ARMH3: variants seen among roughly 807,000 people sequenced by gnomAD.
The protein encoded by ARMH3 is armadillo-like helical domain-containing protein 3.
A neutral mutation model predicts 99.1 loss-of-function variants in ARMH3; 60 were observed. The ratio of observed to expected loss-of-function variants is 0.61; its 90% CI spans 0.49 to 0.75. The LOEUF is 0.75. ARMH3 is among the 30% of genes least tolerant of loss of function. The pLI, the probability that ARMH3 is intolerant of heterozygous loss-of-function variation, is 0.00. For missense variants in ARMH3, 679 were observed against 843.1 expected, an observed-to-expected ratio of 0.81 and a Z score of 2.41; for synonymous variants, 285 against 292.8, an observed-to-expected ratio of 0.97 and a Z score of 0.27.
chr10:102,000,346 T>C (rs904014393), intron 15 of ARMH3, among the ~76,000 whole-genome samples: 31 of 152,246 alleles, frequency 2.0e-4, no homozygotes, highest in Non-Finnish European at 4.1e-4. Context: ...TTATATCAGG[T>C]TCCTAGAGCA....
intron 15 of ARMH3, among the ~76,000 whole-genome samples, chr10:102,000,666 A>G (rs911288636): frequency 6.9e-6 from 1 of 144,434 alleles, no homozygotes; most frequent in Non-Finnish European, 1.5e-5. Flanking sequence ...GCTACTCAGG[A>G]GCCTGAGGTG....
chr10:102,030,528 G>T (rs2067103641), intron 4 of ARMH3, among the ~76,000 whole-genome samples: 4 of 152,140 alleles, frequency 2.6e-5, no homozygotes, highest in Non-Finnish European at 5.9e-5. Context: ...GGCCAACATG[G>T]TGAAACCCAG....
intron 22 of ARMH3, among the ~76,000 whole-genome samples, chr10:101,940,442 A>G (rs1844186603): frequency 1.3e-5 from 2 of 152,106 alleles, no homozygotes; most frequent in African/African-American, 4.8e-5. Context: ...TGTGTCAATC[A>G]AGGATTAACC....
At chr10:101,936,721 C>T (rs895938204) in intron 23 of ARMH3, among the ~76,000 whole-genome samples, 2 of 152,142 alleles carry the variant, frequency 1.3e-5, no homozygotes, top group African/African-American at 4.8e-5. Context: ...TTCATACCAG[C>T]ATTATTTATA....
At chr10:101,997,320 G>A (rs1286445050) in intron 15 of ARMH3, among the ~76,000 whole-genome samples, 6 of 151,604 alleles carry the variant, frequency 4.0e-5, no homozygotes, top group Admixed American at 3.3e-4. Context: ...TGGGCCACGC[G>A]TGGTGGCTCA....
At chr10:101,888,228 T>C (rs2067600552) in intron 24 of ARMH3, among the ~76,000 whole-genome samples, 1 of 152,036 alleles carries the variant, frequency 6.6e-6, no homozygotes, top group African/African-American at 2.4e-5. Context: ...AATGGTAGCA[T>C]CACAAAGCAC....
chr10:101,904,606 T>C lies in ARMH3; in HGVS notation c.1782-15116A>G, dbSNP rs764542095. Reference sequence around the variant, plus strand: ...TAAAGCCTTTCGGCCGTCTTCCTGTTACTCTGGAGGGAATTGGAAGTCAGT... The same window carrying C: ...TAAAGCCTTTCGGCCGTCTTCCTGTCACTCTGGAGGGAATTGGAAGTCAGT... On this transcript the variant is annotated intron_variant, in intron 23 of 25. Coordinates refer to ENST00000370033, the MANE Select transcript of ARMH3 (RefSeq NM_024541.3). Among the ~76,000 whole-genome samples the C allele has an allele frequency of 2.0e-4, 31 of 152,138 alleles. No homozygotes were observed. In the South Asian group the frequency reaches 4.4e-3, roughly 21 times the overall value.
At chr10:101,890,836 T>A (rs1439745690) in intron 23 of ARMH3, among the ~76,000 whole-genome samples, 16 of 151,962 alleles carry the variant, frequency 1.1e-4, no homozygotes, top group Admixed American at 4.6e-4. Flanking sequence ...AAGAAAAATA[T>A]CAGACAGGGG....
At chr10:102,026,696 A>T (rs1307069187) in intron 5 of ARMH3, among the ~76,000 whole-genome samples, 1 of 152,222 alleles carries the variant, frequency 6.6e-6, no homozygotes, top group African/African-American at 2.4e-5. Context: ...GCAGATTTTG[A>T]AAGTTTTATA....
In ARMH3 at chr10:102,002,030, G is replaced by A; in HGVS notation, c.1091C>T (p.Thr364Ile). 6 of 1,614,180 alleles carry A rather than the reference G, an allele frequency of 3.7e-6. No individual in the cohort carries two copies. The highest frequency in any genetic ancestry group is 4.2e-6 in the Non-Finnish European group (5 of 1,180,042). Residue 364 changes from threonine to isoleucine, a missense_variant, in exon 15 of 26, where the codon ACC (threonine) becomes ATC (isoleucine). Around this residue, in one of 3 missense-constraint regions of ARMH3, gnomAD observed 389 missense variants for 456.5 expected, o/e 0.85. Transcript: ENST00000370033. ...VELPLDADVQ[T>I]SNLLITFLKY... ...TAAAAAGGTTATCAGTAGATTACTG[G>A]TCTGTACATCTGCATCCAGTGGGAG...
intron 1 of ARMH3, among the ~76,000 whole-genome samples, chr10:102,050,483 A>C (rs538240335): frequency 7.1e-4 from 108 of 152,134 alleles, no homozygotes; most frequent in South Asian, 1.5e-3. Flanking sequence ...TACATACATA[A>C]ATAAATAAAA....
chr10:101,984,119 T>C (rs1274107845), intron 19 of ARMH3, among the ~76,000 whole-genome samples: 1 of 152,206 alleles, frequency 6.6e-6, no homozygotes. Context: ...CATTTGGTCA[T>C]AGAAGTCTTC....
chr10:102,016,235 C>T (rs1197582866), intron 8 of ARMH3, among the ~76,000 whole-genome samples: 1 of 152,136 alleles, frequency 6.6e-6, no homozygotes, highest in Admixed American at 6.5e-5. Context: ...TGTTAAGCAT[C>T]CCTAATCCAA....
chr10:102,043,597 A>G (rs891573277), intron 1 of ARMH3, among the ~76,000 whole-genome samples: 3 of 152,242 alleles, frequency 2.0e-5, no homozygotes, highest in Non-Finnish European at 2.9e-5. Flanking sequence ...AGAAAGAAAC[A>G]TTCTGTGACT....
chr10:102,039,423 G>A (rs557116679), intron 2 of ARMH3, among the ~76,000 whole-genome samples: 2 of 152,244 alleles, frequency 1.3e-5, no homozygotes, highest in Admixed American at 1.3e-4. Context: ...GATTACAGGC[G>A]GGAGCCACCG....
intron 24 of ARMH3, among the ~76,000 whole-genome samples, chr10:101,861,032 C>G (rs2066852846): frequency 6.6e-6 from 1 of 152,060 alleles, no homozygotes; most frequent in African/African-American, 2.4e-5. Context: ...AGAGAAACAG[C>G]AGTCAATAGA....
intron 1 of ARMH3, among the ~76,000 whole-genome samples, chr10:102,049,112 T>C (rs902096188): frequency 1.3e-5 from 2 of 152,194 alleles, no homozygotes; most frequent in African/African-American, 2.4e-5. Context: ...CATGGTTCCT[T>C]AGCACAGCTT....
At chr10:101,946,613 C>G (rs915088172) in intron 22 of ARMH3, among the ~76,000 whole-genome samples, 2 of 151,838 alleles carry the variant, frequency 1.3e-5, no homozygotes, top group Admixed American at 1.3e-4. Context: ...TAATTAAATA[C>G]GAAGAATAGA....
intron 24 of ARMH3, among the ~76,000 whole-genome samples, chr10:101,888,959 A>C (rs747352636): frequency 6.6e-6 from 1 of 152,222 alleles, no homozygotes; most frequent in Non-Finnish European, 1.5e-5. Context: ...TGCTCAAGGC[A>C]AAGAGAACTC....
Sources: gnomAD v4.1 joint callset for allele counts (sites outside exome capture counted in the v4.1 genomes callset) on GRCh38, gnomAD v4.1.1 for gene constraint, gnomAD v4.1.1 regional missense constraint, MANE v1.5 for transcripts, NCBI Gene and HGNC (gene_info 2026-07-23, HGNC 2026-07-21) for gene names.